CYP2A6: variants seen among roughly 807,000 people sequenced by gnomAD.
The protein encoded by CYP2A6 is cytochrome P450 family 2 subfamily A member 6, also known as cytochrome P450 2A6.
In CYP2A6, 27 loss-of-function variants were observed where a neutral mutation model predicts 42.3. That is an observed-to-expected ratio of 0.64 (90% CI 0.47 to 0.88). The LOEUF (loss-of-function observed/expected upper bound fraction) is 0.88. Among genes scored for constraint, CYP2A6 ranks in the 40% least tolerant of loss-of-function variants. The pLI, the probability that CYP2A6 is intolerant of heterozygous loss-of-function variation, is 0.00. For synonymous variants in CYP2A6, 238 were observed against 246.3 expected (o/e 0.97, Z 0.31); for missense variants, 628 against 646.0 (o/e 0.97, Z 0.30).
intron 3 of CYP2A6, 41 bp from the exon 4 acceptor site, chr19:40,848,420 A>T: frequency 6.2e-7 from 1 of 1,610,330 alleles, no homozygotes; most frequent in Non-Finnish European, 8.5e-7. Context: ...GAGAGAGTCA[A>T]CTCAGAGGTC....
In CYP2A6 at chr19:40,844,811, C is replaced by T. The variant is rs554585461; in HGVS notation, c.1162-39G>A. On this transcript the variant is annotated intron_variant, in intron 7 of 8. Transcript: ENST00000301141. ...GGAAGTTGTGTGTGATGAGGAGGGT[C>T]GGGGGATTGGTGAAAGTACACAGGG... 302 of 1,581,950 alleles carry T rather than the reference C, an allele frequency of 1.9e-4. 3 individuals carry two copies. The highest frequency in any genetic ancestry group is 1.7e-3 in the South Asian group (146 of 86,820).
rs1160349163 is a variant in CYP2A6, at chr19:40,847,849, C to T, written c.654+370G>A. ...CCAGGTGTTCAGGTATGCAGGAGGC[C>T]GGTTGACGCAGTCACTTGTCCAGGT... On this transcript the variant is annotated intron_variant, in intron 4 of 8. Coordinates refer to ENST00000301141, the MANE Select transcript of CYP2A6 (RefSeq NM_000762.6). Among the ~76,000 whole-genome samples, 18 of 141,410 alleles carry T rather than the reference C, an allele frequency of 1.3e-4. 2 individuals carry two copies. The highest frequency in any genetic ancestry group is 2.4e-4 in the African/African-American group (9 of 38,092). The allele number at this position is 141,410 out of a possible 152,430, so 92.8% of individuals were successfully genotyped here.
At position 40,843,835 on chromosome 19, in the gene CYP2A6, C is replaced by A; in HGVS notation, c.1446G>T (p.Thr482=). The A allele has an allele frequency of 6.2e-7, 1 of 1,610,964 alleles. No homozygotes were observed. ...AGCTCATGGTGTAGTTTCGTGGGAT[C>A]GTGGCAAAGCCCACGTGTTTGGGGG... The part of the protein sequence containing the change: ...DVSPKHVGFA[T]IPRNYTMSFL... The change falls in exon 9 of 9, where the codon ACG becomes ACT. Residue 482 remains threonine, a synonymous_variant. Coordinates refer to ENST00000301141, the MANE Select transcript of CYP2A6 (RefSeq NM_000762.6).
Position 40,845,317 on chromosome 19 carries a change from A to G in CYP2A6, c.1138T>C (p.Phe380Leu). ...LARRVKKDTK[F>L]RDFFLPKGTE... is the part of the protein sequence containing the mutation. Reference sequence around the variant, plus strand: ...ACCTTAGGGAGGAAGAAATCCCGAAACTTGGTGTCCTTTTTGACTCTGCGG... The same window carrying G: ...ACCTTAGGGAGGAAGAAATCCCGAAGCTTGGTGTCCTTTTTGACTCTGCGG... The change falls in exon 7 of 9, where the codon TTT (phenylalanine) becomes CTT (leucine). Residue 380 changes from phenylalanine to leucine, a missense_variant. This residue lies in a region of CYP2A6 where 606 missense variants were observed against 568.1 expected (regional missense o/e 1.07). Transcript: ENST00000301141. 1 of 1,611,428 alleles carries G rather than the reference A, an allele frequency of 6.2e-7. No individual in the cohort carries two copies. Among genetic ancestry groups the G allele is most frequent in the Non-Finnish European group, 8.5e-7 (1 of 1,179,842 alleles).
chr19:40,849,021 G>GAGGAGA (rs1555783050), intron 2 of CYP2A6, among the ~76,000 whole-genome samples: 3 of 50,112 alleles, frequency 6.0e-5, no homozygotes, highest in African/African-American at 2.7e-4. Context: ...AAGAGAGAGA[G>GAGGAGA]GAGAGAGAGA....
rs777542261 is a variant in CYP2A6 at position 40,846,073 on chromosome 19, A to T, written c.856T>A (p.Phe286Ile). 1.9e-6 allele frequency: 3 copies of T among 1,607,772 alleles called. No homozygotes were observed. In the Admixed American group the frequency reaches 5.0e-5, roughly 27 times the overall value. The change falls in exon 6 of 9, where the codon TTC (phenylalanine) becomes ATC (isoleucine). Residue 286 changes from phenylalanine (F) to isoleucine (I), a missense_variant. Phe to Ile is a conservative substitution (Grantham distance 21). Coordinates refer to ENST00000301141, the MANE Select transcript of CYP2A6 (RefSeq NM_000762.6). The part of the protein sequence containing the change: ...QEEEKNPNTE[F>I]YLKNLVMTTL... The stretch of plus-strand genomic sequence containing the variant: ...GTCATCACCAGGTTTTTCAAGTAGA[A>T]CTCCGTGTTGGGGTTCTTCTCCTCC...
chr19:40,845,869 G>A, intron 6 of CYP2A6, 87 bp downstream of exon 6: 4 of 1,548,376 alleles, frequency 2.6e-6, no homozygotes, highest in Non-Finnish European at 3.5e-6. Context: ...AGGGTCCCGG[G>A]ATCTGGGACA....
At position 40,850,387 on chromosome 19, in the gene CYP2A6, A is replaced by C. The variant is rs1967200458; in HGVS notation, c.40T>G (p.Cys14Gly). The stretch of plus-strand genomic sequence containing the variant: ...GACATCAAGACCATTACAGTCAGGC[A>C]GACCAGCAAGGCCACCAGAAGCATC... ...SGMLLVALLV[C>G]LTVMVLMSVW... Residue 14 changes from cysteine to glycine, a missense_variant, in exon 1 of 9, where the codon TGC becomes GGC. By Grantham distance (159) the Cys-to-Gly change is radical. This residue lies in a region of CYP2A6 where 606 missense variants were observed against 568.1 expected (regional missense o/e 1.07). Transcript: ENST00000301141. The C allele has an allele frequency of 1.2e-6, 2 of 1,610,142 alleles. No homozygotes were observed. The highest frequency in any genetic ancestry group is 1.6e-4 in the Middle Eastern group (1 of 6,072).
chr19:40,845,019 T>A (rs536337801), intron 7 of CYP2A6: 44 of 654,482 alleles, frequency 6.7e-5, no homozygotes, highest in Admixed American at 1.5e-4. Flanking sequence ...TCTGTCCCTA[T>A]GACAAAAGGC....
intron 4 of CYP2A6, 67 bp from the exon 5 acceptor site, chr19:40,847,118 G>A (rs1175728028): frequency 6.4e-7 from 1 of 1,564,974 alleles, no homozygotes; most frequent in Admixed American, 1.8e-5. Flanking sequence ...GATGGGAATG[G>A]GATTTGTTTC....
rs372381649 is a variant in CYP2A6 at position 40,848,395 on chromosome 19, G to A, written c.494-16C>T. ...ATATTGGCGCCTGCGGGTATGGCGG[G>A]AGAAGGGGGTTGGGGAGAGAGTCAA... On this transcript the variant is annotated splice_polypyrimidine_tract_variant and intron_variant, in intron 3 of 8. Coordinates refer to ENST00000301141, the MANE Select transcript of CYP2A6 (RefSeq NM_000762.6). 39 of 1,611,726 alleles carry A rather than the reference G, an allele frequency of 2.4e-5. No individual in the cohort carries two copies. In the African/African-American group the frequency reaches 4.8e-4, roughly 20 times the overall value.
chr19:40,848,331 A>C lies in CYP2A6; in HGVS notation c.542T>G (p.Val181Gly). Residue 181 changes from valine to glycine, a missense_variant, in exon 4 of 9, where the codon GTC becomes GGC. Transcript: ENST00000301141. The stretch of plus-strand genomic sequence containing the variant: ...GTCCCCAAAGACAATGGAGCTGATG[A>C]CATTGGAGACTGTGCGGCTCAGGAA... Reference protein sequence around the residue: ...TFFLSRTVSNVISSIVFGDRF... With the variant: ...TFFLSRTVSNGISSIVFGDRF... The C allele has an allele frequency of 6.2e-7, 1 of 1,611,956 alleles. No individual in the cohort carries two copies. Among genetic ancestry groups the C allele is most frequent in the Non-Finnish European group, 8.5e-7 (1 of 1,179,952 alleles).
chr19:40,848,556 G>T lies in CYP2A6; in HGVS notation c.493+58C>A, dbSNP rs1419258652. On this transcript the variant is annotated intron_variant, in intron 3 of 8. Coordinates refer to ENST00000301141, the MANE Select transcript of CYP2A6 (RefSeq NM_000762.6). Reference sequence around the variant, plus strand: ...CCATCCCCAGGCAGAACGCGCGCGGGTTCCTCGTCCTGGGTGTTTTCCTTC... The same window carrying T: ...CCATCCCCAGGCAGAACGCGCGCGGTTTCCTCGTCCTGGGTGTTTTCCTTC... 2.5e-5 allele frequency: 40 copies of T among 1,596,234 alleles called. 2 individuals carry two copies. The East Asian group carries it at 8.9e-4, about 35-fold the overall frequency.
chr19:40,845,170 A>T (rs763405239), intron 7 of CYP2A6, 124 bp downstream of exon 7: 2 of 1,225,616 alleles, frequency 1.6e-6, no homozygotes, highest in South Asian at 2.6e-5. Flanking sequence ...TGGTTGGGGA[A>T]GTCTTTTTTG....
In CYP2A6 at chr19:40,850,073, C is replaced by G. The variant is rs546270627; in HGVS notation, c.181-93G>C. The stretch of plus-strand genomic sequence containing the variant: ...TGTCATGTGCTGGGATGCTTCGCAC[C>G]CAGGTTCTCACAGTCAGGGAGCTGG... On this transcript the variant is annotated intron_variant, in intron 1 of 8. Coordinates refer to ENST00000301141, the MANE Select transcript of CYP2A6 (RefSeq NM_000762.6). The G allele has an allele frequency of 1.9e-6, 3 of 1,557,882 alleles. No homozygotes were observed. The African/African-American group carries it at 4.1e-5, about 21-fold the overall frequency.
At chr19:40,849,054 GAGAGA>G (rs1967171205) in intron 2 of CYP2A6, among the ~76,000 whole-genome samples, 3 of 122,238 alleles carry the variant, frequency 2.5e-5, no homozygotes, top group African/African-American at 9.3e-5. Flanking sequence ...AGGAGAGAGA[GAGAGA>G]GAGAGAGAGA....
rs72549435 is a variant in CYP2A6 at position 40,849,833 on chromosome 19, C to T, written c.328G>A (p.Val110Ile). ...ACCCCCTCACCATAGCCTTTGAAGA[C>T]CCAGTCGAAGGTGGCTTGCTCGCCT... ...GRGEQATFDW[V>I]FKGYGVVFSN... The change falls in exon 2 of 9, where the codon GTC becomes ATC. Residue 110 changes from valine (V) to isoleucine (I), a missense_variant. Around this residue, in one of 2 missense-constraint regions of CYP2A6, gnomAD observed 606 missense variants for 568.1 expected, o/e 1.07. Coordinates refer to ENST00000301141, the MANE Select transcript of CYP2A6 (RefSeq NM_000762.6). 3 of 1,610,672 alleles carry T rather than the reference C, an allele frequency of 1.9e-6. No individual in the cohort carries two copies. In the African/African-American group the frequency reaches 4.0e-5, roughly 22 times the overall value.
chr19:40,845,549 G>C, intron 6 of CYP2A6, 68 bp from the exon 7 acceptor site: 3 of 1,587,056 alleles, frequency 1.9e-6, no homozygotes, highest in Non-Finnish European at 2.6e-6. Context: ...AGTCCGAATA[G>C]GCAAAATGGG....
intron 2 of CYP2A6, among the ~76,000 whole-genome samples, chr19:40,849,132 C>CA: frequency 1.6e-5 from 2 of 125,542 alleles, no homozygotes; most frequent in South Asian, 5.2e-4. Context: ...AACAGAAAGG[C>CA]CAGACAGAGA....
Sources: gnomAD v4.1 joint callset for allele counts (sites outside exome capture counted in the v4.1 genomes callset) on GRCh38, gnomAD v4.1.1 for gene constraint, gnomAD v4.1.1 regional missense constraint, MANE v1.5 for transcripts, NCBI Gene and HGNC (gene_info 2026-07-23, HGNC 2026-07-21) for gene names.